The following VWC2L variants were observed in gnomAD, a reference collection of about 807,000 sequenced individuals.
The protein encoded by VWC2L is von Willebrand factor C domain containing 2 like.
VWC2L carries 10 observed loss-of-function variants against 21.6 expected under a neutral mutation model. The ratio of observed to expected loss-of-function variants is 0.46; its 90% confidence interval spans 0.29 to 0.78. The LOEUF (loss-of-function observed/expected upper bound fraction) is 0.78. VWC2L is among the 30% of genes least tolerant of loss of function. The probability of loss-of-function intolerance (pLI) is 0.10; values close to 1 mark genes in which losing one functional copy is unlikely to be tolerated. For synonymous variants in VWC2L, 96 were observed against 94.3 expected (o/e 1.02, Z -0.10); for missense variants, 209 against 277.1 (o/e 0.75, Z 1.74).
At chr2:214,415,862 C>A (rs972398837) in intron 2 of VWC2L, among the ~76,000 whole-genome samples, 1 of 151,994 alleles carries the variant, frequency 6.6e-6, no homozygotes, top group African/African-American at 2.4e-5. Flanking sequence ...TATTTTATTG[C>A]ACAAAATTAA....
chr2:214,514,608 T>C (rs995194184), intron 3 of VWC2L, among the ~76,000 whole-genome samples: 2 of 152,188 alleles, frequency 1.3e-5, no homozygotes, highest in African/African-American at 4.8e-5. Context: ...GAAATCATGA[T>C]ACATTTTTGC....
rs761648160 is a variant in VWC2L at position 214,532,363 on chromosome 2, G to A, written c.521-43309G>A. Among the ~76,000 whole-genome samples, 9 of 146,666 alleles carry A rather than the reference G, an allele frequency of 6.1e-5. No individual in the cohort carries two copies. The East Asian group carries it at 1.5e-3, about 24-fold the overall frequency. ...ATGGATATTACTGAGGTAAGAACAC[G>A]CTTTTCTGATAAATGTACTATGGAA... On this transcript the variant is annotated intron_variant, in intron 3 of 3. Coordinates refer to ENST00000312504, the MANE Select transcript of VWC2L (RefSeq NM_001080500.4).
intron 3 of VWC2L, among the ~76,000 whole-genome samples, chr2:214,505,210 C>T (rs1270960412): frequency 6.6e-6 from 1 of 152,162 alleles, no homozygotes; most frequent in East Asian, 1.9e-4. Flanking sequence ...GGGAGTATTG[C>T]ATCAGTTTGC....
chr2:214,504,699 G>T (rs760368301), intron 3 of VWC2L, among the ~76,000 whole-genome samples: 2 of 152,154 alleles, frequency 1.3e-5, no homozygotes, highest in African/African-American at 4.8e-5. Context: ...TATTCTCTCC[G>T]AGTCCTGGGA....
At chr2:214,439,378 T>C (rs2126179794) in intron 3 of VWC2L, among the ~76,000 whole-genome samples, 1 of 152,146 alleles carries the variant, frequency 6.6e-6, no homozygotes, top group African/African-American at 2.4e-5. Flanking sequence ...ATAATAAATA[T>C]GCCCATTATA....
In VWC2L at chr2:214,414,237, T is replaced by C. The variant is rs1226969837; in HGVS notation, c.44T>C (p.Ile15Thr). 1 of 1,613,762 alleles carries C rather than the reference T, an allele frequency of 6.2e-7. No individual in the cohort carries two copies. Among genetic ancestry groups the C allele is most frequent in the South Asian group, 1.1e-5 (1 of 91,072 alleles). ...IHEACILLLV[I>T]PGLVTSAAIS... ...GAAGCTTGCATACTTCTGTTGGTCATCCCTGGATTGGTCACCTCTGCTGCT... is the reference window on the plus strand; with the variant it reads ...GAAGCTTGCATACTTCTGTTGGTCACCCCTGGATTGGTCACCTCTGCTGCT... The change falls in exon 2 of 4, where the codon ATC becomes ACC. Residue 15 changes from isoleucine to threonine, a missense_variant. Ile to Thr is a moderately conservative substitution (Grantham distance 89). Coordinates refer to ENST00000312504, the MANE Select transcript of VWC2L (RefSeq NM_001080500.4).
chr2:214,490,063 T>G (rs912535719), intron 3 of VWC2L, among the ~76,000 whole-genome samples: 4 of 152,162 alleles, frequency 2.6e-5, no homozygotes, highest in African/African-American at 9.7e-5. Context: ...CTGCCACAAA[T>G]AGCTGAGTGG....
intron 3 of VWC2L, among the ~76,000 whole-genome samples, chr2:214,547,889 G>T (rs1040573932): frequency 6.6e-6 from 1 of 152,210 alleles, no homozygotes; most frequent in Non-Finnish European, 1.5e-5. Flanking sequence ...AAGAAGCACA[G>T]TGAATAGTAT....
At chr2:214,504,221 A>C (rs183809651) in intron 3 of VWC2L, among the ~76,000 whole-genome samples, 8 of 152,332 alleles carry the variant, frequency 5.3e-5, no homozygotes, top group African/African-American at 1.9e-4. Context: ...TCCCTAAGAG[A>C]AGGGTGAAAT....
Position 214,411,564 on chromosome 2 carries a change from TTC to T in VWC2L, c.-301_-300del, listed in dbSNP as rs1212950482. On this transcript the variant is annotated 5_prime_UTR_variant, in exon 1 of 4. Coordinates refer to ENST00000312504, the MANE Select transcript of VWC2L (RefSeq NM_001080500.4). ...TTCTGAAGACAGGTCCAAAGCAAAT[TTC>T]TTATATGTGTCTGCTGTGTTTCTTT... is the stretch of plus-strand genomic sequence containing the variant. The T allele has an allele frequency of 1.3e-5, 2 of 152,174 alleles. 1 individual carries two copies. The highest frequency in any genetic ancestry group is 2.9e-5 in the Non-Finnish European group (2 of 68,014). 9.4% of individuals were successfully genotyped at this position (152,174 alleles called of 1,614,324 possible). A position where few individuals can be genotyped will look rare whatever the true frequency, so the allele number is the denominator to read the frequency against.
chr2:214,565,603 C>A (rs1354655768), intron 3 of VWC2L, among the ~76,000 whole-genome samples: 5 of 152,158 alleles, frequency 3.3e-5, no homozygotes, highest in Non-Finnish European at 7.4e-5. Flanking sequence ...ATGACATGAA[C>A]AAGATTAATT....
intron 3 of VWC2L, among the ~76,000 whole-genome samples, chr2:214,572,272 T>G (rs1225964255): frequency 6.6e-6 from 1 of 152,226 alleles, no homozygotes; most frequent in Non-Finnish European, 1.5e-5. Context: ...TGTTCACCAT[T>G]TTTTACATAA....
intron 3 of VWC2L, among the ~76,000 whole-genome samples, chr2:214,499,611 C>A (rs936813560): frequency 3.9e-5 from 6 of 152,074 alleles, no homozygotes; most frequent in Admixed American, 6.5e-5. Context: ...ATGTACCAAA[C>A]CTGCACGTTG....
chr2:214,540,038 T>C (rs762599554), intron 3 of VWC2L, among the ~76,000 whole-genome samples: 32 of 152,070 alleles, frequency 2.1e-4, no homozygotes, highest in Non-Finnish European at 4.0e-4. Context: ...AAAACCTAGT[T>C]GGAATTGATT....
At chr2:214,526,546 A>C (rs990685923) in intron 3 of VWC2L, among the ~76,000 whole-genome samples, 14 of 152,244 alleles carry the variant, frequency 9.2e-5, no homozygotes, top group Non-Finnish European at 1.6e-4. Context: ...ACAAAATATA[A>C]GAGGATTCAA....
At position 214,541,572 on chromosome 2, in the gene VWC2L, T is replaced by C. The variant is rs78162751; in HGVS notation, c.521-34100T>C. Among the ~76,000 whole-genome samples, 1,458 of 152,300 alleles carry C rather than the reference T, an allele frequency of 9.6e-3. 28 individuals carry two copies. The highest frequency in any genetic ancestry group is 0.033 in the African/African-American group (1,371 of 41,562). ...TAGTGCATGGATGAAAATGGCAGCA[T>C]GCAGTGTGATGAAGACTTGAGTTTG... On this transcript the variant is annotated intron_variant, in intron 3 of 3. Coordinates refer to ENST00000312504, the MANE Select transcript of VWC2L (RefSeq NM_001080500.4).
chr2:214,474,675 C>A lies in VWC2L; in HGVS notation c.520+37917C>A, dbSNP rs77553952. On this transcript the variant is annotated intron_variant, in intron 3 of 3. Transcript: ENST00000312504. Reference sequence around the variant, plus strand: ...TAGAGAGACTAGCTCTCCAATGCTACTTTTGTGACCTTGAACCAGCTCTTT... The same window carrying A: ...TAGAGAGACTAGCTCTCCAATGCTAATTTTGTGACCTTGAACCAGCTCTTT... 8.3e-3 allele frequency among the ~76,000 whole-genome samples: 1,260 copies of A among 152,156 alleles called. 19 individuals carry two copies. The highest frequency in any genetic ancestry group is 0.027 in the African/African-American group (1,136 of 41,500).
intron 3 of VWC2L, among the ~76,000 whole-genome samples, chr2:214,456,093 TTA>T (rs1174297578): frequency 6.6e-6 from 1 of 152,156 alleles, no homozygotes; most frequent in Non-Finnish European, 1.5e-5. Context: ...GTACTGCTTT[TTA>T]GTTTTCTAAC....
chr2:214,436,498 T>C (rs1702681448), intron 2 of VWC2L, 131 bp from the exon 3 acceptor site: 2 of 1,193,444 alleles, frequency 1.7e-6, no homozygotes, highest in South Asian at 1.6e-5. Flanking sequence ...AGAATGATCG[T>C]AGACATGGTA....
Sources: gnomAD v4.1 joint callset for allele counts (sites outside exome capture counted in the v4.1 genomes callset) on GRCh38, gnomAD v4.1.1 for gene constraint, MANE v1.5 for transcripts, NCBI Gene and HGNC (gene_info 2026-07-23, HGNC 2026-07-21) for gene names.